The following ST3GAL6 variants were observed in gnomAD, a reference collection of about 807,000 sequenced individuals.
The protein encoded by ST3GAL6 is ST3 beta-galactoside alpha-2,3-sialyltransferase 6.
ST3GAL6 carries 31 observed loss-of-function variants against 40.5 expected under a neutral mutation model. The ratio of observed to expected loss-of-function variants is 0.77; its 90% confidence interval spans 0.58 to 1.03. ST3GAL6 has a LOEUF of 1.03. Ranked by LOEUF, ST3GAL6 falls within the 50% of genes least tolerant of loss-of-function variation. The pLI, the probability that ST3GAL6 is intolerant of heterozygous loss-of-function variation, is 0.00. For missense variants in ST3GAL6, 357 were observed against 393.2 expected (o/e 0.91, Z 0.78); for synonymous variants, 129 against 136.9 (o/e 0.94, Z 0.40).
At chr3:98,775,257 T>C (rs367966124) in intron 5 of ST3GAL6, among the ~76,000 whole-genome samples, 192 of 152,172 alleles carry the variant, frequency 1.3e-3, no homozygotes, top group African/African-American at 4.4e-3. Context: ...GGCGGGCAGA[T>C]CGTGAGGTCG....
At chr3:98,733,698 C>T (rs1350427416) in intron 1 of ST3GAL6, 4 of 693,926 alleles carry the variant, frequency 5.8e-6, no homozygotes, top group South Asian at 6.4e-5. Context: ...TCTCAAGCCT[C>T]TTTCTTGTGT....
chr3:98,769,831 A>G (rs557251351), intron 2 of ST3GAL6, among the ~76,000 whole-genome samples: 1 of 152,220 alleles, frequency 6.6e-6, no homozygotes, highest in African/African-American at 2.4e-5. Context: ...CTATGTTTTA[A>G]TGACTTTAGA....
At chr3:98,764,380 A>G (rs971906606) in intron 1 of ST3GAL6, among the ~76,000 whole-genome samples, 4 of 152,130 alleles carry the variant, frequency 2.6e-5, no homozygotes, top group Non-Finnish European at 5.9e-5. Context: ...CAATGCTAGC[A>G]TGGTTGGGAG....
chr3:98,741,083 T>TGTGTGTGTGTGTGTGTGTGA lies in ST3GAL6; in HGVS notation c.-12+8552_-12+8553insTGTGTGTGTGTGTGTGTGAG, dbSNP rs374127164. Among the ~76,000 whole-genome samples the TGTGTGTGTGTGTGTGTGTGA allele has an allele frequency of 2.9e-4, 44 of 150,370 alleles. 1 individual carries two copies. Among genetic ancestry groups the TGTGTGTGTGTGTGTGTGTGA allele is most frequent in the African/African-American group, 9.1e-4 (37 of 40,718 alleles). Reference sequence around the variant, plus strand: ...GTGTGTGTGTGTGTGTGTGTGTGTGTGCATGCATGTATGTACATATGCTTT... The same window carrying TGTGTGTGTGTGTGTGTGTGA: ...GTGTGTGTGTGTGTGTGTGTGTGTGTGTGTGTGTGTGTGTGTGTGAGCATGCATGTATGTACATATGCTTT... On this transcript the variant is annotated intron_variant, in intron 1 of 9. Transcript: ENST00000265261.
intron 1 of ST3GAL6, among the ~76,000 whole-genome samples, chr3:98,734,659 A>G (rs1249228540): frequency 6.6e-6 from 1 of 152,220 alleles, no homozygotes; most frequent in Non-Finnish European, 1.5e-5. Flanking sequence ...TGTTGGAGAT[A>G]GTTTGTTCTT....
Position 98,788,157 on chromosome 3 carries a change from A to AT in ST3GAL6, c.555dup (p.Leu186SerfsTer5), listed in dbSNP as rs1940902560. 1 of 1,613,978 alleles carries AT rather than the reference A, an allele frequency of 6.2e-7. No individual in the cohort carries two copies. The highest frequency in any genetic ancestry group is 8.5e-7 in the Non-Finnish European group (1 of 1,179,946). On this transcript the variant is annotated frameshift_variant, in exon 7 of 10. Transcript: ENST00000483910. LOFTEE classifies it high-confidence loss of function. ...TCACAATGACCCTAATACGACAGTG[A>AT]TTCTCACTGCTTTTAAGCCACATGA...
chr3:98,771,340 G>A (rs774280552), intron 3 of ST3GAL6: 9 of 320,916 alleles, frequency 2.8e-5, no homozygotes, highest in Admixed American at 4.9e-5. Flanking sequence ...AACTTTTTGA[G>A]TAGAAATTTT....
intron 5 of ST3GAL6, among the ~76,000 whole-genome samples, chr3:98,776,727 T>G (rs1939586594): frequency 6.6e-6 from 1 of 152,238 alleles, no homozygotes; most frequent in African/African-American, 2.4e-5. Context: ...GCTAAGCACA[T>G]TATTTTCCTT....
intron 5 of ST3GAL6, among the ~76,000 whole-genome samples, chr3:98,776,607 TC>T (rs1304289130): frequency 6.6e-6 from 1 of 152,178 alleles, no homozygotes; most frequent in Non-Finnish European, 1.5e-5. Flanking sequence ...GTTACTTTCC[TC>T]CTTTTTCTGC....
chr3:98,768,761 G>A (rs774600065), intron 2 of ST3GAL6, among the ~76,000 whole-genome samples: 8 of 152,144 alleles, frequency 5.3e-5, no homozygotes, highest in African/African-American at 1.9e-4. Context: ...AAGCCATGGT[G>A]TTAACCATCT....
At chr3:98,771,375 T>G (rs183979596) in intron 3 of ST3GAL6, among the ~76,000 whole-genome samples, 1 of 152,348 alleles carries the variant, frequency 6.6e-6, no homozygotes, top group East Asian at 1.9e-4. Context: ...TTTAATGAAC[T>G]ACATAGAATG....
chr3:98,777,688 G>A (rs1939685279), intron 5 of ST3GAL6, among the ~76,000 whole-genome samples: 1 of 152,194 alleles, frequency 6.6e-6, no homozygotes, highest in African/African-American at 2.4e-5. Context: ...GGATTCTGAA[G>A]TCAAATATCT....
intron 8 of ST3GAL6, among the ~76,000 whole-genome samples, chr3:98,789,085 A>C (rs913540715): frequency 6.6e-6 from 1 of 152,142 alleles, no homozygotes; most frequent in Non-Finnish European, 1.5e-5. Flanking sequence ...AATACTCTAG[A>C]CCCATACAGT....
chr3:98,770,842 A>G (rs1440153), intron 2 of ST3GAL6, 37 bp from the exon 3 acceptor site: 650,065 of 1,596,242 alleles, frequency 0.41, 134,600 homozygotes, highest in Non-Finnish European at 0.42. Context: ...AGGGTGCCCG[A>G]TTCTGGTTTC....
intron 6 of ST3GAL6, among the ~76,000 whole-genome samples, chr3:98,787,014 T>C (rs1305294027): frequency 1.3e-5 from 2 of 150,860 alleles, no homozygotes; most frequent in African/African-American, 4.9e-5. Context: ...GTTTAAAGAA[T>C]GGCAAAGTTA....
intron 1 of ST3GAL6, among the ~76,000 whole-genome samples, chr3:98,746,428 T>C (rs1389714210): frequency 6.6e-6 from 1 of 152,140 alleles, no homozygotes; most frequent in African/African-American, 2.4e-5. Flanking sequence ...TTTACCTTCT[T>C]GGGGATTGCG....
At chr3:98,792,511 A>ATTTTTTTTTTTTTTTT in intron 9 of ST3GAL6, among the ~76,000 whole-genome samples, 1 of 141,694 alleles carries the variant, frequency 7.1e-6, no homozygotes. Context: ...TTTTAGTTTA[A>ATTTTTTTTTTTTTTTT]ATTTTTTTTT....
At chr3:98,736,085 C>A (rs186697583) in intron 1 of ST3GAL6, among the ~76,000 whole-genome samples, 3 of 152,290 alleles carry the variant, frequency 2.0e-5, no homozygotes, top group South Asian at 2.1e-4. Flanking sequence ...TCTTGGAGAG[C>A]TTTTGGTCAT....
At position 98,785,023 on chromosome 3, in the gene ST3GAL6, C is replaced by G; in HGVS notation, c.414C>G (p.Ser138=). Residue 138 remains serine, a synonymous_variant, in exon 6 of 10, where the codon TCC becomes TCG. Coordinates refer to ENST00000483910, the MANE Select transcript of ST3GAL6 (RefSeq NM_001323368.2). ...KNKTLGEKID[S]YDVIIRMNNG... is the part of the protein sequence containing the mutation. ...AGACATTAGGAGAAAAAATCGACTC[C>G]TATGATGTAATAATAAGGTAAATAT... The G allele has an allele frequency of 6.2e-7, 1 of 1,604,690 alleles. No homozygotes were observed. Among genetic ancestry groups the G allele is most frequent in the Non-Finnish European group, 8.5e-7 (1 of 1,171,880 alleles).
Sources: gnomAD v4.1 joint callset for allele counts (sites outside exome capture counted in the v4.1 genomes callset) on GRCh38, gnomAD v4.1.1 for gene constraint, MANE v1.5 for transcripts, NCBI Gene and HGNC (gene_info 2026-07-23, HGNC 2026-07-21) for gene names.